FAAH: variants seen among roughly 807,000 people sequenced by gnomAD.
FAAH encodes fatty-acid amide hydrolase 1.
A neutral mutation model predicts 69.7 loss-of-function variants in FAAH; 63 were observed. The ratio of observed to expected loss-of-function variants is 0.90; its 90% confidence interval spans 0.74 to 1.12. The LOEUF (loss-of-function observed/expected upper bound fraction) is 1.12, where lower values mean the gene tolerates loss of function less well. Ranked by LOEUF, FAAH falls within the 50% of genes most tolerant of loss-of-function variation. The probability of loss-of-function intolerance (pLI) is 0.00; values close to 1 mark genes in which losing one functional copy is unlikely to be tolerated. For missense variants in FAAH, 680 were observed against 755.0 expected, an observed-to-expected ratio of 0.90 and a Z score of 1.16; for synonymous variants, 305 against 324.2, an observed-to-expected ratio of 0.94 and a Z score of 0.64.
In FAAH at chr1:46,410,015, T is replaced by TCTTG. The variant is rs1236298858; in HGVS notation, c.1176-383_1176-382insCTTG. On this transcript the variant is annotated intron_variant, in intron 9 of 14. Transcript: ENST00000243167. This position sits in a 1 kb window ranked among gnomAD's most constrained non-coding sequence, Gnocchi z 4.9. Reference sequence around the variant, plus strand: ...TTTCCCTGAGATCTTGAGCCAGAGATAGCCTCAGAGCCCTGCTTCATGGGC... The same window carrying TCTTG: ...TTTCCCTGAGATCTTGAGCCAGAGATCTTGAGCCTCAGAGCCCTGCTTCATGGGC... 23 of 201,270 alleles carry TCTTG rather than the reference T, an allele frequency of 1.1e-4. No homozygotes were observed. The highest frequency in any genetic ancestry group is 4.7e-4 in the African/African-American group (20 of 42,716). 12.5% of individuals were successfully genotyped at this position (201,270 alleles called of 1,614,324 possible). A position where few individuals can be genotyped will look rare whatever the true frequency, so the allele number is the denominator to read the frequency against.
At chr1:46,409,749 A>C (rs1424373122) in intron 9 of FAAH, among the ~76,000 whole-genome samples, 1 of 152,136 alleles carries the variant, frequency 6.6e-6, no homozygotes, top group African/African-American at 2.4e-5. Context: ...CCTCCTGGTG[A>C]CATACCTCTG....
At chr1:46,394,961 AC>A (rs1294973776) in intron 1 of FAAH, among the ~76,000 whole-genome samples, 1 of 151,858 alleles carries the variant, frequency 6.6e-6, no homozygotes, top group Non-Finnish European at 1.5e-5. Flanking sequence ...TTGTTTTGAG[AC>A]GGAGTCTCGC....
At position 46,409,208 on chromosome 1, in the gene FAAH, A is replaced by G. The variant is rs1449026755; in HGVS notation, c.1175+10A>G. ...CCTTCCTACAGAACTTGTGAGTGAT[A>G]GTGGGCTTTGGGGTCTTGGTGGGAT... On this transcript the variant is annotated intron_variant, in intron 9 of 14. Coordinates refer to ENST00000243167, the MANE Select transcript of FAAH (RefSeq NM_001441.3). 1.9e-6 allele frequency: 3 copies of G among 1,609,028 alleles called. No individual in the cohort carries two copies. Among genetic ancestry groups the G allele is most frequent in the East Asian group, 4.5e-5 (2 of 44,838 alleles).
At chr1:46,396,270 T>C (rs181688837) in intron 1 of FAAH, among the ~76,000 whole-genome samples, 1 of 152,286 alleles carries the variant, frequency 6.6e-6, no homozygotes, top group East Asian at 1.9e-4. Flanking sequence ...CCTCCAGCCA[T>C]AAGGTGGTTT....
chr1:46,413,817 G>T lies in FAAH; in HGVS notation c.*242G>T. On this transcript the variant is annotated 3_prime_UTR_variant, in exon 15 of 15. Coordinates refer to ENST00000243167, the MANE Select transcript of FAAH (RefSeq NM_001441.3). ...GTGGCAGCCCATGGGTATGACATAG[G>T]CCAAGGCCCAACTAACAGTCAAGAA... 1 of 551,698 alleles carries T rather than the reference G, an allele frequency of 1.8e-6. No homozygotes were observed. The highest frequency in any genetic ancestry group is 2.0e-5 in the South Asian group (1 of 50,722). The allele number at this position is 551,698 out of a possible 1,614,324, so 34.2% of individuals were successfully genotyped here. A position where few individuals can be genotyped will look rare whatever the true frequency, so the allele number is the denominator to read the frequency against.
At chr1:46,409,313 G>A (rs1664858274) in intron 9 of FAAH, 115 bp downstream of exon 9, 5 of 824,842 alleles carry the variant, frequency 6.1e-6, no homozygotes, top group African/African-American at 1.7e-5. Flanking sequence ...ACAAAGGCCT[G>A]AGCACTCTGG....
At chr1:46,406,426 G>A (rs545302663) in intron 7 of FAAH, 58 bp downstream of exon 7, 1 of 1,610,288 alleles carries the variant, frequency 6.2e-7, no homozygotes, top group African/African-American at 1.3e-5. Context: ...GCCACCCCAG[G>A]CCTTGTGGGC....
At position 46,411,532 on chromosome 1, in the gene FAAH, G is replaced by A. The variant is rs113805234; in HGVS notation, c.1317-80G>A. On this transcript the variant is annotated intron_variant, in intron 11 of 14. Transcript: ENST00000243167. This position sits in a 1 kb window ranked among gnomAD's most constrained non-coding sequence, Gnocchi z 4.8. ...GGTCCACGGAGGGGTGAGATCTAGAGGGTTGGCAGTAGGGGTCTGATGTTG... is the reference window on the plus strand; with the variant it reads ...GGTCCACGGAGGGGTGAGATCTAGAAGGTTGGCAGTAGGGGTCTGATGTTG... 3 of 1,483,844 alleles carry A rather than the reference G, an allele frequency of 2.0e-6. No homozygotes were observed. The highest frequency in any genetic ancestry group is 1.4e-5 in the African/African-American group (1 of 72,250). The allele number at this position is 1,483,844 out of a possible 1,614,324, so 91.9% of individuals were successfully genotyped here.
At chr1:46,396,787 A>G (rs1664604740) in intron 1 of FAAH, among the ~76,000 whole-genome samples, 1 of 152,200 alleles carries the variant, frequency 6.6e-6, no homozygotes, top group African/African-American at 2.4e-5. Context: ...GGAATTTCTT[A>G]TGTCTACTTC....
At chr1:46,407,001 C>G (rs954308215) in intron 7 of FAAH, among the ~76,000 whole-genome samples, 12 of 152,036 alleles carry the variant, frequency 7.9e-5, no homozygotes, top group African/African-American at 2.4e-4. Flanking sequence ...CAAACAGCAG[C>G]CTTTCTAACA....
At position 46,413,174 on chromosome 1, in the gene FAAH, A is replaced by G. The variant is rs770734093; in HGVS notation, c.1565A>G (p.His522Arg). The G allele has an allele frequency of 6.2e-7, 1 of 1,614,168 alleles. No individual in the cohort carries two copies. The highest frequency in any genetic ancestry group is 8.5e-7 in the Non-Finnish European group (1 of 1,180,022). Reference sequence around the variant, plus strand: ...GCTGAGGACGAGGCCCAGATGGAACATTACAGGGGCTACTTTGGGGATATC... The same window carrying G: ...GCTGAGGACGAGGCCCAGATGGAACGTTACAGGGGCTACTTTGGGGATATC... ...VTAEDEAQMEHYRGYFGDIWD... is the reference protein window; with the variant it reads ...VTAEDEAQMERYRGYFGDIWD... Residue 522 changes from histidine to arginine, a missense_variant, in exon 14 of 15, where the codon CAT becomes CGT. Coordinates refer to ENST00000243167, the MANE Select transcript of FAAH (RefSeq NM_001441.3).
Position 46,404,875 on chromosome 1 carries a change from C to T in FAAH, c.310-139C>T. On this transcript the variant is annotated intron_variant, in intron 2 of 14. Coordinates refer to ENST00000243167, the MANE Select transcript of FAAH (RefSeq NM_001441.3). The surrounding 1 kb of genome is among the most constrained non-coding windows in gnomAD (Gnocchi z 4.5). ...TGAGCCCTAGGTCATCCTCTGTGCC[C>T]CAGGCTCTGGGCCATGTTGCTGGTT... 8.7e-7 allele frequency: 1 copy of T among 1,150,558 alleles called. No homozygotes were observed. The highest frequency in any genetic ancestry group is 2.0e-5 in the Admixed American group (1 of 50,844). The allele number at this position is 1,150,558 out of a possible 1,614,324, so 71.3% of individuals were successfully genotyped here. A position where few individuals can be genotyped will look rare whatever the true frequency, so the allele number is the denominator to read the frequency against.
chr1:46,405,918 C>T lies in FAAH; in HGVS notation c.786-120C>T, dbSNP rs919954389. The T allele has an allele frequency of 6.2e-7, 1 of 1,611,064 alleles. No homozygotes were observed. Among genetic ancestry groups the T allele is most frequent in the African/African-American group, 1.3e-5 (1 of 74,916 alleles). On this transcript the variant is annotated intron_variant, in intron 5 of 14. Transcript: ENST00000243167. The surrounding 1 kb of genome is among the most constrained non-coding windows in gnomAD (Gnocchi z 4.1). ...TTTGCTGGGAGGAAGCATTACAGTACCACTGGCCGGGCGTGGGTCCTAGTT... is the reference window on the plus strand; with the variant it reads ...TTTGCTGGGAGGAAGCATTACAGTATCACTGGCCGGGCGTGGGTCCTAGTT...
chr1:46,405,425 C>T lies in FAAH; in HGVS notation c.498C>T (p.Cys166=), dbSNP rs766063745. 9.3e-6 allele frequency: 15 copies of T among 1,613,050 alleles called. No individual in the cohort carries two copies. The highest frequency in any genetic ancestry group is 1.6e-4 in the Middle Eastern group (1 of 6,082). Reference sequence around the variant, plus strand: ...TGAATGAAGGGGTGCCGGCGGAGTGCGACAGCGTAGTGGTGCATGTGCTGA... The same window carrying T: ...TGAATGAAGGGGTGCCGGCGGAGTGTGACAGCGTAGTGGTGCATGTGCTGA... The part of the protein sequence containing the change: ...LSLNEGVPAE[C]DSVVVHVLKL... Residue 166 remains cysteine, a synonymous_variant, in exon 4 of 15, where the codon TGC becomes TGT. Coordinates refer to ENST00000243167, the MANE Select transcript of FAAH (RefSeq NM_001441.3). The surrounding 1 kb of genome is among the most constrained non-coding windows in gnomAD (Gnocchi z 4.1).
intron 2 of FAAH, among the ~76,000 whole-genome samples, chr1:46,403,758 A>G (rs2148448026): frequency 6.6e-6 from 1 of 152,370 alleles, no homozygotes; most frequent in Admixed American, 6.5e-5. Flanking sequence ...TTCCTCTTCC[A>G]GGCCTACTCT....
intron 2 of FAAH, among the ~76,000 whole-genome samples, chr1:46,403,125 T>C (rs1386691340): frequency 6.7e-6 from 1 of 149,758 alleles, no homozygotes; most frequent in Non-Finnish European, 1.5e-5. Flanking sequence ...TGAGCCACCA[T>C]GCCCGACCCC....
At position 46,405,172 on chromosome 1, in the gene FAAH, C is replaced by A; in HGVS notation, c.444+24C>A. 6.2e-7 allele frequency: 1 copy of A among 1,613,556 alleles called. No homozygotes were observed. Among genetic ancestry groups the A allele is most frequent in the South Asian group, 1.1e-5 (1 of 91,092 alleles). On this transcript the variant is annotated intron_variant, in intron 3 of 14. Transcript: ENST00000243167. This position sits in a 1 kb window ranked among gnomAD's most constrained non-coding sequence, Gnocchi z 4.1. ...AGGTATGCTCTGCCTCAGCGCCAGG[C>A]CTCCATCGTCCCCTCCATCCCTGCC...
chr1:46,403,326 T>G (rs993358912), intron 2 of FAAH, among the ~76,000 whole-genome samples: 1 of 151,922 alleles, frequency 6.6e-6, no homozygotes, highest in Non-Finnish European at 1.5e-5. Context: ...GCCGGGCTGG[T>G]CTGGAACTCC....
intron 9 of FAAH, 134 bp downstream of exon 9, chr1:46,409,332 C>G: frequency 1.4e-6 from 1 of 729,476 alleles, no homozygotes; most frequent in Non-Finnish European, 2.5e-6. Flanking sequence ...GGGCAGGGAC[C>G]TCGCTGTCCC....
Sources: allele counts gnomAD v4.1 joint callset (sites outside exome capture counted in the v4.1 genomes callset), GRCh38; gene constraint gnomAD v4.1.1; non-coding constraint Gnocchi (gnomAD v3.1); transcripts MANE v1.5; gene names NCBI Gene and HGNC (gene_info 2026-07-23, HGNC 2026-07-21).